The following SLC2A13 variants were observed in gnomAD, a reference collection of about 807,000 sequenced individuals.
The protein encoded by SLC2A13 is solute carrier family 2 member 13, also known as proton myo-inositol cotransporter.
A neutral mutation model predicts 64.4 loss-of-function variants in SLC2A13; 32 were observed. The ratio of observed to expected loss-of-function variants is 0.50; its 90% CI spans 0.37 to 0.67. The LOEUF is 0.67. Ranked by LOEUF, SLC2A13 falls within the 30% of genes least tolerant of loss-of-function variation. The pLI is 0.00. For synonymous variants in SLC2A13, 338 were observed against 327.1 expected (o/e 1.03, Z -0.36); for missense variants, 743 against 829.2 (o/e 0.90, Z 1.28).
intron 7 of SLC2A13, among the ~76,000 whole-genome samples, chr12:39,790,672 A>G (rs1313981148): frequency 4.5e-5 from 5 of 110,688 alleles, no homozygotes; most frequent in South Asian, 3.9e-4. Context: ...TAATGCCGCA[A>G]TAAACATACG....
intron 6 of SLC2A13, among the ~76,000 whole-genome samples, chr12:39,851,797 A>T (rs971639096): frequency 6.6e-6 from 1 of 152,220 alleles, no homozygotes; most frequent in Non-Finnish European, 1.5e-5. Flanking sequence ...GTACTCCTAC[A>T]TGGTTTAAAA....
At chr12:39,963,919 A>G (rs1040100550) in intron 3 of SLC2A13, among the ~76,000 whole-genome samples, 10 of 152,174 alleles carry the variant, frequency 6.6e-5, no homozygotes, top group African/African-American at 1.2e-4. Flanking sequence ...TAAAGCTATC[A>G]AAAAATAAAA....
chr12:40,102,143 CACT>C (rs1489656230), intron 1 of SLC2A13, among the ~76,000 whole-genome samples: 2 of 152,186 alleles, frequency 1.3e-5, no homozygotes, highest in East Asian at 3.8e-4. Context: ...TGTCATCTGG[CACT>C]ACAGAGAAAT....
intron 2 of SLC2A13, among the ~76,000 whole-genome samples, chr12:40,044,202 G>C (rs1948138399): frequency 6.6e-6 from 1 of 152,068 alleles, no homozygotes; most frequent in African/African-American, 2.4e-5. Context: ...TTGAAAATTT[G>C]CTAAGTGAAA....
chr12:39,808,418 G>A (rs7136860), intron 7 of SLC2A13, among the ~76,000 whole-genome samples: 1 of 152,014 alleles, frequency 6.6e-6, no homozygotes, highest in Admixed American at 6.6e-5. Context: ...CGACTGTGTA[G>A]AAACATTTGT....
At chr12:39,831,843 C>T (rs1027015776) in intron 6 of SLC2A13, among the ~76,000 whole-genome samples, 4 of 152,078 alleles carry the variant, frequency 2.6e-5, no homozygotes, top group Non-Finnish European at 5.9e-5. Context: ...CTTCCTGATG[C>T]CCTCACCAGA....
At chr12:39,791,281 A>G (rs1298507305) in intron 7 of SLC2A13, among the ~76,000 whole-genome samples, 1 of 124,500 alleles carries the variant, frequency 8.0e-6, no homozygotes, top group African/African-American at 3.1e-5. Flanking sequence ...TGAATGGGCA[A>G]AAACTGGAAG....
chr12:39,800,379 G>T (rs1008722864), intron 7 of SLC2A13, among the ~76,000 whole-genome samples: 2 of 151,400 alleles, frequency 1.3e-5, no homozygotes, highest in Non-Finnish European at 2.9e-5. Flanking sequence ...AATCTACAAT[G>T]AACTCAAACA....
chr12:39,799,165 C>A (rs1199528090), intron 7 of SLC2A13, among the ~76,000 whole-genome samples: 6 of 150,752 alleles, frequency 4.0e-5, no homozygotes, highest in Non-Finnish European at 8.8e-5. Context: ...TCACTGCAAC[C>A]TCCGCCTCCC....
chr12:39,979,256 C>T (rs1194614421), intron 3 of SLC2A13, among the ~76,000 whole-genome samples: 7 of 132,930 alleles, frequency 5.3e-5, no homozygotes, highest in East Asian at 2.3e-4. Flanking sequence ...AACTCTAAAA[C>T]GCAGAGCGCC....
chr12:39,945,116 T>C (rs1406016729), intron 4 of SLC2A13, among the ~76,000 whole-genome samples: 3 of 152,214 alleles, frequency 2.0e-5, no homozygotes, highest in Non-Finnish European at 4.4e-5. Flanking sequence ...CCTTCATATA[T>C]GATGCTTAGT....
chr12:39,918,457 C>G (rs1945557482), intron 4 of SLC2A13, among the ~76,000 whole-genome samples: 1 of 150,906 alleles, frequency 6.6e-6, no homozygotes, highest in East Asian at 1.9e-4. Flanking sequence ...ACTACCATTA[C>G]TGGCTCTTCC....
At chr12:39,970,610 A>G (rs1946630319) in intron 3 of SLC2A13, among the ~76,000 whole-genome samples, 1 of 152,198 alleles carries the variant, frequency 6.6e-6, no homozygotes, top group Admixed American at 6.5e-5. Context: ...CCAAGTCCTT[A>G]GGTAATTCTA....
intron 3 of SLC2A13, among the ~76,000 whole-genome samples, chr12:40,000,991 C>G (rs2136181965): frequency 6.6e-6 from 1 of 152,292 alleles, no homozygotes; most frequent in Non-Finnish European, 1.5e-5. Context: ...TGTCCAAAAG[C>G]TCCAGGTCCT....
chr12:39,816,012 T>C (rs1323785934), intron 7 of SLC2A13, among the ~76,000 whole-genome samples: 1 of 152,222 alleles, frequency 6.6e-6, no homozygotes, highest in Non-Finnish European at 1.5e-5. Context: ...TTCAATTAGC[T>C]ATTCTCTAGA....
intron 1 of SLC2A13, among the ~76,000 whole-genome samples, chr12:40,094,367 G>A (rs1213031803): frequency 2.0e-5 from 3 of 152,190 alleles, no homozygotes; most frequent in African/African-American, 7.2e-5. Context: ...ATGTAGAGAA[G>A]AGGAGAGCTC....
intron 1 of SLC2A13, among the ~76,000 whole-genome samples, chr12:40,098,026 T>A (rs1349543584): frequency 1.4e-5 from 2 of 143,844 alleles, no homozygotes; most frequent in African/African-American, 5.5e-5. Context: ...TATGTGTATA[T>A]GTATGTATAT....
chr12:39,851,671 T>TAGA (rs1178461219), intron 6 of SLC2A13, among the ~76,000 whole-genome samples: 1 of 152,136 alleles, frequency 6.6e-6, no homozygotes, highest in Non-Finnish European at 1.5e-5. Context: ...CCAATTATGC[T>TAGA]AGATACATCA....
chr12:39,810,636 G>A (rs1158643173), intron 7 of SLC2A13, among the ~76,000 whole-genome samples: 1 of 152,098 alleles, frequency 6.6e-6, no homozygotes, highest in East Asian at 1.9e-4. Flanking sequence ...GTATCAGGTC[G>A]AGGAAGTTTC....
Sources: gnomAD v4.1 joint callset for allele counts (sites outside exome capture counted in the v4.1 genomes callset) on GRCh38, gnomAD v4.1.1 for gene constraint, MANE v1.5 for transcripts, NCBI Gene and HGNC (gene_info 2026-07-23, HGNC 2026-07-21) for gene names.